The following TPRG1 variants were observed in gnomAD, a reference collection of about 807,000 sequenced individuals.
TPRG1 encodes the protein tumor protein p63 regulated 1, also known as tumor protein p63-regulated gene 1 protein.
Under a neutral mutation model 29.3 loss-of-function variants are expected in TPRG1, and 29 were observed. That is an observed-to-expected ratio of 0.99 (90% CI 0.74 to 1.35). The LOEUF is 1.35. Ranked by LOEUF, TPRG1 falls within the 40% of genes most tolerant of loss-of-function variation. The pLI is 0.00. For synonymous variants in TPRG1, 130 were observed against 116.8 expected (o/e 1.11, Z -0.73); for missense variants, 327 against 335.0 (o/e 0.98, Z 0.19).
At chr3:189,270,230 A>G (rs140269743) in intron 4 of TPRG1, among the ~76,000 whole-genome samples, 1 of 152,150 alleles carries the variant, frequency 6.6e-6, no homozygotes, top group East Asian at 1.9e-4. Context: ...TACAGAAATT[A>G]TACCATATTG....
intron 4 of TPRG1, among the ~76,000 whole-genome samples, chr3:189,268,933 C>G (rs1328962663): frequency 6.6e-6 from 1 of 152,164 alleles, no homozygotes; most frequent in African/African-American, 2.4e-5. Flanking sequence ...GTTGGCTTTT[C>G]AAGCCTTGTC....
chr3:189,200,335 G>A (rs776883628), intron 1 of TPRG1, among the ~76,000 whole-genome samples: 3 of 152,212 alleles, frequency 2.0e-5, no homozygotes, highest in Admixed American at 6.5e-5. Context: ...GTTATGAGGT[G>A]TTAGAGTATT....
chr3:189,005,287 T>G (rs911128731), intron 3 of TPRG1, among the ~76,000 whole-genome samples: 1 of 152,076 alleles, frequency 6.6e-6, no homozygotes, highest in African/African-American at 2.4e-5. Context: ...CAGTGCCGAG[T>G]AAAGTGTGAT....
At chr3:189,247,094 A>G (rs1170978916) in intron 4 of TPRG1, among the ~76,000 whole-genome samples, 1 of 152,012 alleles carries the variant, frequency 6.6e-6, no homozygotes, top group African/African-American at 2.4e-5. Context: ...TACTTAAATT[A>G]CACATATGTT....
intron 4 of TPRG1, among the ~76,000 whole-genome samples, chr3:189,273,234 C>T (rs1232163310): frequency 2.6e-5 from 4 of 152,138 alleles, no homozygotes; most frequent in African/African-American, 7.2e-5. Flanking sequence ...GTCAAACACT[C>T]CAGAGCTAAC....
At chr3:189,017,138 TC>T in intron 3 of TPRG1, among the ~76,000 whole-genome samples, 1 of 152,054 alleles carries the variant, frequency 6.6e-6, no homozygotes, top group Middle Eastern at 3.4e-3. Flanking sequence ...TCATGCCTTT[TC>T]ATTTTTTTTT....
chr3:189,186,800 T>C (rs946927506), intron 1 of TPRG1, among the ~76,000 whole-genome samples: 1 of 152,086 alleles, frequency 6.6e-6, no homozygotes, highest in Admixed American at 6.5e-5. Context: ...TAATGGATTA[T>C]ACTTGAACCT....
intron 3 of TPRG1, among the ~76,000 whole-genome samples, chr3:189,008,225 C>T (rs1270468273): frequency 1.3e-5 from 2 of 152,016 alleles, no homozygotes; most frequent in Admixed American, 6.6e-5. Flanking sequence ...AATGCGAGTG[C>T]CATCGACTTT....
At chr3:189,079,909 A>G (rs1717472908) in intron 4 of TPRG1, among the ~76,000 whole-genome samples, 1 of 152,210 alleles carries the variant, frequency 6.6e-6, no homozygotes, top group Non-Finnish European at 1.5e-5. Context: ...TTGTTTGTGG[A>G]TGCCTTTTCC....
intron 4 of TPRG1, among the ~76,000 whole-genome samples, chr3:189,054,773 CTG>C (rs1715551675): frequency 6.6e-6 from 1 of 151,998 alleles, no homozygotes; most frequent in Non-Finnish European, 1.5e-5. Flanking sequence ...GAGTGAAACA[CTG>C]TCTCTTAAAA....
intron 4 of TPRG1, among the ~76,000 whole-genome samples, chr3:189,250,507 C>A (rs1393754123): frequency 3.1e-4 from 24 of 77,250 alleles, no homozygotes; most frequent in African/African-American, 1.5e-3. Flanking sequence ...GATTTCCGCC[C>A]CCCCCCCCCC....
intron 4 of TPRG1, among the ~76,000 whole-genome samples, chr3:189,282,205 T>C (rs1458481951): frequency 7.4e-6 from 1 of 134,470 alleles, no homozygotes; most frequent in Non-Finnish European, 1.6e-5. Flanking sequence ...GTAGGCATAA[T>C]AGTCCTTTCC....
intron 4 of TPRG1, among the ~76,000 whole-genome samples, chr3:189,025,764 A>C (rs1010158137): frequency 6.6e-6 from 1 of 152,224 alleles, no homozygotes; most frequent in African/African-American, 2.4e-5. Context: ...TCTAGGGTAT[A>C]AGAGAATGTT....
chr3:189,265,325 C>T (rs1729390804), intron 4 of TPRG1, among the ~76,000 whole-genome samples: 1 of 152,166 alleles, frequency 6.6e-6, no homozygotes, highest in African/African-American at 2.4e-5. Context: ...AGGCAAGAAG[C>T]ATCAACCTGG....
At position 189,238,098 on chromosome 3, in the gene TPRG1, C is replaced by A. The variant is rs145481943; in HGVS notation, c.303-635C>A. Among the ~76,000 whole-genome samples, 4 of 152,294 alleles carry A rather than the reference C, an allele frequency of 2.6e-5. No homozygotes were observed. In the East Asian group the frequency reaches 7.7e-4, roughly 29 times the overall value. ...CTCTCACATCTGAGGCCAATTAATT[C>A]AGTAAACACTTATCTAGTTTATCTA... On this transcript the variant is annotated intron_variant, in intron 3 of 5. Coordinates refer to ENST00000345063, the MANE Select transcript of TPRG1 (RefSeq NM_198485.4).
At chr3:189,159,865 TGTG>T (rs941525080) in intron 5 of TPRG1, among the ~76,000 whole-genome samples, 9 of 137,536 alleles carry the variant, frequency 6.5e-5, no homozygotes, top group South Asian at 5.4e-4. Context: ...TGTGTGTGTG[TGTG>T]GTGGTGGGGG....
At chr3:189,231,393 T>C (rs552685746) in intron 3 of TPRG1, among the ~76,000 whole-genome samples, 1 of 152,192 alleles carries the variant, frequency 6.6e-6, no homozygotes, top group Non-Finnish European at 1.5e-5. Context: ...TGAGGACTTC[T>C]CTTTAAGTAG....
intron 4 of TPRG1, among the ~76,000 whole-genome samples, chr3:189,057,329 TC>T (rs67514733): frequency 0.013 from 2,011 of 152,246 alleles, 54 homozygotes; most frequent in African/African-American, 0.047. Flanking sequence ...TAGAAAATAT[TC>T]CCTCTGGGCT....
intron 4 of TPRG1, among the ~76,000 whole-genome samples, chr3:189,093,903 A>T (rs993904196): frequency 6.6e-6 from 1 of 152,184 alleles, no homozygotes; most frequent in African/African-American, 2.4e-5. Flanking sequence ...AGGGTTAGAT[A>T]ATATTATTCT....
Sources: allele counts gnomAD v4.1 joint callset (sites outside exome capture counted in the v4.1 genomes callset), GRCh38; gene constraint gnomAD v4.1.1; transcripts MANE v1.5; gene names NCBI Gene and HGNC (gene_info 2026-07-23, HGNC 2026-07-21).